Variants in SLC13A1 observed in about 807,000 individuals in gnomAD.
SLC13A1 encodes the protein Na(+)/sulfate cotransporter.
In SLC13A1, 65 loss-of-function variants were observed where a neutral mutation model predicts 70.0. The ratio of observed to expected loss-of-function variants is 0.93; its 90% CI spans 0.76 to 1.14. The LOEUF (loss-of-function observed/expected upper bound fraction) is 1.14. SLC13A1 is among the 50% of genes most tolerant of loss of function. SLC13A1 has a pLI of 0.00. For missense variants in SLC13A1, 726 were observed against 717.8 expected (o/e 1.01, Z -0.13); for synonymous variants, 275 against 250.5 (o/e 1.10, Z -0.92).
At chr7:123,173,405 A>G (rs1795337729) in intron 2 of SLC13A1, among the ~76,000 whole-genome samples, 1 of 152,202 alleles carries the variant, frequency 6.6e-6, no homozygotes, top group African/African-American at 2.4e-5. Flanking sequence ...TGGATAATAG[A>G]AAATAATTAT....
rs546998081 is a variant in SLC13A1 at position 123,121,229 on chromosome 7, A to T, written c.1350+1897T>A. Among the ~76,000 whole-genome samples the T allele has an allele frequency of 3.9e-5, 6 of 152,144 alleles. No homozygotes were observed. The East Asian group carries it at 1.2e-3, about 29-fold the overall frequency. Reference sequence around the variant, plus strand: ...ACTGGGGAAAGCATCTGGGAAGCCCATAGATCTTTATACACTTTTTAAACC... The same window carrying T: ...ACTGGGGAAAGCATCTGGGAAGCCCTTAGATCTTTATACACTTTTTAAACC... On this transcript the variant is annotated intron_variant, in intron 12 of 14. Transcript: ENST00000194130.
At chr7:123,189,460 G>T (rs780062785) in intron 1 of SLC13A1, among the ~76,000 whole-genome samples, 1 of 151,970 alleles carries the variant, frequency 6.6e-6, no homozygotes, top group Non-Finnish European at 1.5e-5. Context: ...TTTCAATAAG[G>T]TTTACAATCT....
intron 1 of SLC13A1, among the ~76,000 whole-genome samples, chr7:123,197,509 A>G (rs1796224396): frequency 6.6e-6 from 1 of 152,174 alleles, no homozygotes; most frequent in Non-Finnish European, 1.5e-5. Context: ...ATTCTTTAAA[A>G]AAATAATTTG....
intron 6 of SLC13A1, among the ~76,000 whole-genome samples, chr7:123,148,135 A>T (rs948723284): frequency 6.6e-6 from 1 of 151,810 alleles, no homozygotes; most frequent in Non-Finnish European, 1.5e-5. Flanking sequence ...AAATAAATCC[A>T]TTTTTTTTAA....
chr7:123,157,240 A>G (rs770561042), intron 6 of SLC13A1, among the ~76,000 whole-genome samples: 6 of 152,174 alleles, frequency 3.9e-5, no homozygotes, highest in Non-Finnish European at 7.4e-5. Flanking sequence ...AAATATAATC[A>G]GTAATAACCT....
chr7:123,177,040 C>A (rs558242478), intron 2 of SLC13A1, among the ~76,000 whole-genome samples: 1 of 152,234 alleles, frequency 6.6e-6, no homozygotes, highest in Middle Eastern at 3.4e-3. Flanking sequence ...TATTCAACTG[C>A]CTACTCAACA....
Position 123,180,802 on chromosome 7 carries a change from T to C in SLC13A1, c.228+171A>G, listed in dbSNP as rs558446061. 1.6e-4 allele frequency among the ~76,000 whole-genome samples: 25 copies of C among 152,236 alleles called. 3 individuals carry two copies. The South Asian group carries it at 4.6e-3, about 28-fold the overall frequency. On this transcript the variant is annotated intron_variant, in intron 2 of 14. Coordinates refer to ENST00000194130, the MANE Select transcript of SLC13A1 (RefSeq NM_022444.4). ...GAAGCTGCAGCTTGTGTTTGTTCTT[T>C]GAAGGTGGACACACATGCAGAATGC... is the stretch of plus-strand genomic sequence containing the variant.
intron 6 of SLC13A1, among the ~76,000 whole-genome samples, chr7:123,160,492 T>C (rs965798222): frequency 3.3e-5 from 5 of 152,026 alleles, no homozygotes; most frequent in African/African-American, 9.7e-5. Context: ...ACCTGCATGA[T>C]AGAAGGAGAG....
chr7:123,176,395 A>G (rs530806457), intron 2 of SLC13A1, among the ~76,000 whole-genome samples: 1 of 152,280 alleles, frequency 6.6e-6, no homozygotes, highest in South Asian at 2.1e-4. Flanking sequence ...TGATATGTCA[A>G]ATAACATCTC....
chr7:123,198,784 G>A (rs1173132284), intron 1 of SLC13A1, among the ~76,000 whole-genome samples: 1 of 152,012 alleles, frequency 6.6e-6, no homozygotes, highest in Non-Finnish European at 1.5e-5. Flanking sequence ...TGTTAGAGGA[G>A]AGCATCAGCA....
chr7:123,198,310 AGGGTGGGAG>A (rs1563362123), intron 1 of SLC13A1, among the ~76,000 whole-genome samples: 1 of 115,068 alleles, frequency 8.7e-6, no homozygotes, highest in Non-Finnish European at 2.1e-5. Context: ...TGGGAGTGGC[AGGGTGGGAG>A]GGAAAGGGTT....
intron 2 of SLC13A1, among the ~76,000 whole-genome samples, chr7:123,177,688 C>T (rs1171396808): frequency 6.6e-6 from 1 of 152,060 alleles, no homozygotes; most frequent in Non-Finnish European, 1.5e-5. Flanking sequence ...ATGGCTAACT[C>T]CTTCATTTCC....
intron 6 of SLC13A1, chr7:123,148,410 G>A (rs1310081308): frequency 2.3e-6 from 1 of 439,406 alleles, no homozygotes; most frequent in Non-Finnish European, 4.5e-6. Flanking sequence ...TTATACCTTG[G>A]ACAATGGCAC....
intron 3 of SLC13A1, 135 bp from the exon 4 acceptor site, chr7:123,169,470 C>T: frequency 1.3e-6 from 1 of 767,516 alleles, no homozygotes; most frequent in South Asian, 1.9e-5. Context: ...GGTTAAGATT[C>T]TGCCCAGATG....
intron 6 of SLC13A1, among the ~76,000 whole-genome samples, chr7:123,162,454 T>C (rs1585356143): frequency 6.6e-6 from 1 of 152,114 alleles, no homozygotes; most frequent in Admixed American, 6.6e-5. Flanking sequence ...CTCTCCTTGC[T>C]TACCTCGTCT....
chr7:123,140,079 T>A (rs1233062154), intron 7 of SLC13A1, among the ~76,000 whole-genome samples: 1 of 141,848 alleles, frequency 7.0e-6, no homozygotes, highest in African/African-American at 2.4e-5. Flanking sequence ...GCTTCTTTTT[T>A]TAAAAAAAAT....
At chr7:123,155,875 C>A (rs1451109281) in intron 6 of SLC13A1, among the ~76,000 whole-genome samples, 2 of 152,094 alleles carry the variant, frequency 1.3e-5, no homozygotes, top group African/African-American at 4.8e-5. Context: ...AACTTGTAAG[C>A]TATCGCTCAG....
At chr7:123,131,024 G>A (rs908587551) in intron 8 of SLC13A1, among the ~76,000 whole-genome samples, 3 of 152,124 alleles carry the variant, frequency 2.0e-5, no homozygotes, top group African/African-American at 7.2e-5. Flanking sequence ...TTATCTCTTG[G>A]AATGTTTATG....
At chr7:123,148,909 TAGG>T (rs1207989607) in intron 6 of SLC13A1, among the ~76,000 whole-genome samples, 1 of 152,142 alleles carries the variant, frequency 6.6e-6, no homozygotes, top group Non-Finnish European at 1.5e-5. Flanking sequence ...TGGTAAGGAT[TAGG>T]AGAAGTCTTA....
Sources: gnomAD v4.1 joint callset for allele counts (sites outside exome capture counted in the v4.1 genomes callset) on GRCh38, gnomAD v4.1.1 for gene constraint, MANE v1.5 for transcripts, NCBI Gene and HGNC (gene_info 2026-07-23, HGNC 2026-07-21) for gene names.